Variants in CTNNA3 observed in about 807,000 individuals in gnomAD.
The protein encoded by CTNNA3 is catenin alpha-3.
A neutral mutation model predicts 95.7 loss-of-function variants in CTNNA3; 76 were observed. The ratio of observed to expected loss-of-function variants is 0.79; its 90% confidence interval spans 0.66 to 0.96. The LOEUF (loss-of-function observed/expected upper bound fraction) is 0.96, where lower values mean the gene tolerates loss of function less well. Ranked by LOEUF, CTNNA3 falls within the 40% of genes least tolerant of loss-of-function variation. The pLI, the probability that CTNNA3 is intolerant of heterozygous loss-of-function variation, is 0.00. For synonymous variants in CTNNA3, 431 were observed against 374.4 expected (o/e 1.15, Z -1.74); for missense variants, 1,191 against 1,089.8 (o/e 1.09, Z -1.31).
At chr10:66,155,106 A>G (rs2084422054) in intron 13 of CTNNA3, among the ~76,000 whole-genome samples, 1 of 151,798 alleles carries the variant, frequency 6.6e-6, no homozygotes, top group South Asian at 2.1e-4. Flanking sequence ...GCTCAAGAGT[A>G]TAGTGTGAAA....
chr10:66,059,455 C>A (rs867160679), intron 15 of CTNNA3, among the ~76,000 whole-genome samples: 6 of 152,062 alleles, frequency 3.9e-5, no homozygotes, highest in African/African-American at 2.4e-5. Flanking sequence ...AAAATCTTTA[C>A]TTTCCCTATT....
chr10:67,623,835 A>G (rs146722092), intron 2 of CTNNA3, among the ~76,000 whole-genome samples: 2,825 of 152,168 alleles, frequency 0.019, 90 homozygotes, highest in African/African-American at 0.065. Flanking sequence ...TATTATTTTG[A>G]GACGGAGTTT....
chr10:66,544,541 T>C (rs970036815), intron 10 of CTNNA3, among the ~76,000 whole-genome samples: 6 of 152,048 alleles, frequency 3.9e-5, no homozygotes, highest in African/African-American at 1.4e-4. Context: ...ATATAAGAAA[T>C]TTCTGTGTTT....
chr10:66,749,708 A>G (rs1197829046), intron 9 of CTNNA3, among the ~76,000 whole-genome samples: 1 of 152,192 alleles, frequency 6.6e-6, no homozygotes, highest in African/African-American at 2.4e-5. Flanking sequence ...TAAGTTTTCA[A>G]ATCCCTTGGG....
chr10:67,157,089 G>A (rs1398628077), intron 7 of CTNNA3, among the ~76,000 whole-genome samples: 4 of 151,990 alleles, frequency 2.6e-5, no homozygotes. Flanking sequence ...AGTACTATAA[G>A]TCCTAGTTAG....
intron 7 of CTNNA3, among the ~76,000 whole-genome samples, chr10:66,847,240 A>AAC (rs1422706380): frequency 4.6e-5 from 7 of 152,178 alleles, no homozygotes; most frequent in African/African-American, 7.2e-5. Flanking sequence ...CTATATTTGA[A>AAC]ACACAGCATT....
intron 5 of CTNNA3, among the ~76,000 whole-genome samples, chr10:67,258,676 T>C (rs1266587284): frequency 6.6e-6 from 1 of 152,180 alleles, no homozygotes; most frequent in African/African-American, 2.4e-5. Context: ...CCATGAAAAC[T>C]GAAGCCCCAA....
chr10:66,664,130 A>C (rs1846358742), intron 9 of CTNNA3, among the ~76,000 whole-genome samples: 1 of 152,006 alleles, frequency 6.6e-6, no homozygotes, highest in Non-Finnish European at 1.5e-5. Flanking sequence ...CAAAAGGTTA[A>C]TCTTTTATAC....
At chr10:67,337,288 AG>A (rs1842029273) in intron 5 of CTNNA3, among the ~76,000 whole-genome samples, 2 of 152,186 alleles carry the variant, frequency 1.3e-5, no homozygotes, top group Admixed American at 1.3e-4. Context: ...CTTCAATGGC[AG>A]AAGTAACAGT....
At chr10:67,180,005 T>G (rs2132136266) in intron 7 of CTNNA3, among the ~76,000 whole-genome samples, 1 of 152,250 alleles carries the variant, frequency 6.6e-6, no homozygotes, top group African/African-American at 2.4e-5. Context: ...CTTCTTTATA[T>G]TTCTTAAATT....
intron 7 of CTNNA3, among the ~76,000 whole-genome samples, chr10:66,908,315 G>T (rs2132549144): frequency 6.6e-6 from 1 of 152,282 alleles, no homozygotes; most frequent in South Asian, 2.1e-4. Flanking sequence ...GTGACTCCAT[G>T]CCAGTTTCTT....
At chr10:66,138,848 A>G (rs1402860214) in intron 13 of CTNNA3, among the ~76,000 whole-genome samples, 2 of 152,182 alleles carry the variant, frequency 1.3e-5, no homozygotes, top group Non-Finnish European at 2.9e-5. Context: ...ACAAAGGGAG[A>G]CTGTTTCAAA....
chr10:67,290,082 A>T (rs1839775022), intron 5 of CTNNA3, among the ~76,000 whole-genome samples: 1 of 152,194 alleles, frequency 6.6e-6, no homozygotes, highest in Non-Finnish European at 1.5e-5. Flanking sequence ...CTGGGATTAC[A>T]GATGTGAGCT....
intron 6 of CTNNA3, among the ~76,000 whole-genome samples, chr10:67,183,430 A>C (rs1862669783): frequency 6.6e-6 from 1 of 152,162 alleles, no homozygotes; most frequent in South Asian, 2.1e-4. Context: ...TCAGCAAACT[A>C]TCGCAAGGAC....
At chr10:66,883,489 T>C (rs1844923132) in intron 7 of CTNNA3, among the ~76,000 whole-genome samples, 2 of 152,166 alleles carry the variant, frequency 1.3e-5, no homozygotes, top group African/African-American at 4.8e-5. Flanking sequence ...GTTATTGTTA[T>C]TACAACTACA....
At chr10:66,020,668 ATTTT>A (rs10687414) in intron 15 of CTNNA3, among the ~76,000 whole-genome samples, 4 of 136,700 alleles carry the variant, frequency 2.9e-5, no homozygotes, top group African/African-American at 1.1e-4. Flanking sequence ...GATGATCTGA[ATTTT>A]TTTTTTTTTT....
chr10:67,621,764 A>AG (rs769909902), intron 2 of CTNNA3, among the ~76,000 whole-genome samples: 64 of 125,300 alleles, frequency 5.1e-4, no homozygotes, highest in African/African-American at 6.6e-4. Context: ...AAAAAAAAAG[A>AG]AAAGAAAAGA....
At chr10:67,362,372 C>G (rs935146438) in intron 5 of CTNNA3, among the ~76,000 whole-genome samples, 3 of 152,086 alleles carry the variant, frequency 2.0e-5, no homozygotes, top group African/African-American at 4.8e-5. Context: ...CAAAAATCCC[C>G]AGCAAAATAC....
At chr10:66,013,953 T>G (rs2079049279) in intron 15 of CTNNA3, among the ~76,000 whole-genome samples, 1 of 152,312 alleles carries the variant, frequency 6.6e-6, no homozygotes, top group Non-Finnish European at 1.5e-5. Flanking sequence ...AATTAAAACC[T>G]GTCAAGTGTA....
Sources: gnomAD v4.1 joint callset for allele counts (sites outside exome capture counted in the v4.1 genomes callset) on GRCh38, gnomAD v4.1.1 for gene constraint, MANE v1.5 for transcripts, NCBI Gene and HGNC (gene_info 2026-07-23, HGNC 2026-07-21) for gene names.